The following LIPC variants were observed in gnomAD, a reference collection of about 807,000 sequenced individuals.
LIPC encodes hepatic triacylglycerol lipase.
In LIPC, 44 loss-of-function variants were observed where a neutral mutation model predicts 50.7. The ratio of observed to expected loss-of-function variants is 0.87; its 90% CI spans 0.68 to 1.11. The LOEUF (loss-of-function observed/expected upper bound fraction) is 1.11. LIPC is among the 50% of genes most tolerant of loss of function. The pLI is 0.00. For missense variants in LIPC, 697 were observed against 648.2 expected (o/e 1.08, Z -0.82); for synonymous variants, 271 against 256.4 (o/e 1.06, Z -0.54).
Position 58,441,310 on chromosome 15 carries a change from C to T in LIPC, c.88+9190C>T, listed in dbSNP as rs548384816. ...ATGAAACTGAAGCAGGAGCACATAA[C>T]AGGAGCTTAATATGAATCTTCCATC... On this transcript the variant is annotated intron_variant, in intron 1 of 8. Transcript: ENST00000299022. Among the ~76,000 whole-genome samples the T allele has an allele frequency of 8.5e-5, 13 of 152,302 alleles. No homozygotes were observed. In the South Asian group the frequency reaches 2.5e-3, roughly 29 times the overall value.
intron 1 of LIPC, chr15:58,436,798 T>C (rs1482128246): frequency 2.2e-6 from 1 of 456,250 alleles, no homozygotes; most frequent in Admixed American, 2.3e-5. Context: ...AGTAGGGTGT[T>C]GAAGGATGGT....
intron 1 of LIPC, among the ~76,000 whole-genome samples, chr15:58,505,785 C>T (rs559263334): frequency 6.6e-5 from 10 of 152,274 alleles, no homozygotes; most frequent in East Asian, 1.9e-4. Flanking sequence ...AGTTCCCACC[C>T]GAGCCAACAT....
rs142741286 is a variant in LIPC at position 58,548,502 on chromosome 15, C to T, written c.981C>T (p.His327=). ...GCCGCTGCAACACGCTGGGCTACCACGTCCGCCAGGAGCCGCGGAGCAAGA... is the reference window on the plus strand; with the variant it reads ...GCCGCTGCAACACGCTGGGCTACCATGTCCGCCAGGAGCCGCGGAGCAAGA... ...KKGRCNTLGY[H]VRQEPRSKSK... Residue 327 remains histidine, a synonymous_variant, in exon 6 of 9, where the codon CAC becomes CAT. Transcript: ENST00000299022. 1.6e-3 allele frequency: 2,614 copies of T among 1,607,212 alleles called. 5 individuals are homozygous for T. The highest frequency in any genetic ancestry group is 1.6e-3 in the Non-Finnish European group (1,902 of 1,176,580).
chr15:58,524,146 A>G (rs1376223972), intron 1 of LIPC, among the ~76,000 whole-genome samples: 1 of 152,160 alleles, frequency 6.6e-6, no homozygotes, highest in African/African-American at 2.4e-5. Context: ...CGCAGCTGAA[A>G]GCCAACATGG....
chr15:58,527,296 G>A (rs1399885655), intron 1 of LIPC, among the ~76,000 whole-genome samples: 2 of 152,092 alleles, frequency 1.3e-5, no homozygotes, highest in Non-Finnish European at 2.9e-5. Flanking sequence ...GATAGGAACC[G>A]CTGTGCTGCA....
At chr15:58,529,241 C>G (rs555617486) in intron 1 of LIPC, among the ~76,000 whole-genome samples, 22 of 152,370 alleles carry the variant, frequency 1.4e-4, no homozygotes, top group African/African-American at 5.0e-4. Context: ...GCCAAGATCT[C>G]TCATGGCAAG....
rs138725480 is a variant in LIPC at position 58,438,466 on chromosome 15, G to A, written c.88+6346G>A. On this transcript the variant is annotated intron_variant, in intron 1 of 8. Coordinates refer to ENST00000299022, the MANE Select transcript of LIPC (RefSeq NM_000236.3). ...TGGGAAATGGGGTCCAACCCACCAG[G>A]GAAAAGGGCTGACTAGGGGCCAATA... Among the ~76,000 whole-genome samples, 859 of 152,314 alleles carry A rather than the reference G, an allele frequency of 5.6e-3. 6 individuals carry two copies. The highest frequency in any genetic ancestry group is 9.8e-3 in the Non-Finnish European group (668 of 68,028).
At chr15:58,440,110 C>T (rs1304984843) in intron 1 of LIPC, among the ~76,000 whole-genome samples, 1 of 152,100 alleles carries the variant, frequency 6.6e-6, no homozygotes, top group African/African-American at 2.4e-5. Context: ...TGTATTTGTC[C>T]AAAATAAAAT....
chr15:58,446,198 G>A (rs778882566), intron 1 of LIPC, among the ~76,000 whole-genome samples: 8 of 152,024 alleles, frequency 5.3e-5, no homozygotes, highest in Admixed American at 3.3e-4. Flanking sequence ...ATATTTATAC[G>A]CTAGTATTTC....
At chr15:58,540,853 G>A (rs1349543186) in intron 2 of LIPC, among the ~76,000 whole-genome samples, 4 of 152,100 alleles carry the variant, frequency 2.6e-5, no homozygotes, top group African/African-American at 9.7e-5. Flanking sequence ...GCCCAGGCTG[G>A]AGGGCAGTGT....
chr15:58,497,654 T>C (rs1156327636), intron 1 of LIPC: 1 of 152,490 alleles, frequency 6.6e-6, no homozygotes, highest in Non-Finnish European at 1.5e-5. Flanking sequence ...CCTCCCATGA[T>C]ATGCCTTTCC....
chr15:58,474,157 G>A (rs1890902134), intron 1 of LIPC, among the ~76,000 whole-genome samples: 2 of 152,162 alleles, frequency 1.3e-5, no homozygotes, highest in South Asian at 4.1e-4. Context: ...TTTGGTGGGG[G>A]AAGAGGGGAC....
intron 1 of LIPC, among the ~76,000 whole-genome samples, chr15:58,499,621 G>A (rs532489570): frequency 2.0e-5 from 3 of 152,186 alleles, no homozygotes; most frequent in East Asian, 1.9e-4. Flanking sequence ...CAACTCTTCC[G>A]CTCCGGTTTC....
chr15:58,537,061 G>T (rs1566942695), intron 1 of LIPC, among the ~76,000 whole-genome samples: 1 of 152,250 alleles, frequency 6.6e-6, no homozygotes, highest in Non-Finnish European at 1.5e-5. Flanking sequence ...GAGCGGCCTT[G>T]TGTCTGCTCC....
intron 1 of LIPC, among the ~76,000 whole-genome samples, chr15:58,504,453 G>C (rs1892082095): frequency 6.6e-6 from 1 of 152,096 alleles, no homozygotes; most frequent in Admixed American, 6.5e-5. Context: ...TCTGTTTCTG[G>C]ACGTCAACAC....
chr15:58,480,048 G>T (rs1348928713), intron 1 of LIPC, among the ~76,000 whole-genome samples: 1 of 152,180 alleles, frequency 6.6e-6, no homozygotes, highest in Non-Finnish European at 1.5e-5. Flanking sequence ...TCAGTTTCTT[G>T]TATGGTATCT....
Position 58,545,791 on chromosome 15 carries a change from T to A in LIPC, c.624T>A (p.Arg208=). Residue 208 remains arginine (R), a synonymous_variant, in exon 5 of 9, where the codon CGT becomes CGA. Transcript: ENST00000299022. ...TTGAGGGAAGTGCCCCCAGCAATCG[T>A]CTTTCTCCAGATGATGCCAATTTTG... ...PLFEGSAPSN[R]LSPDDANFVD... The A allele has an allele frequency of 6.2e-7, 1 of 1,614,190 alleles. No homozygotes were observed. Among genetic ancestry groups the A allele is most frequent in the Non-Finnish European group, 8.5e-7 (1 of 1,180,034 alleles).
intron 6 of LIPC, among the ~76,000 whole-genome samples, chr15:58,552,830 C>T (rs1004491627): frequency 6.6e-6 from 1 of 152,174 alleles, no homozygotes; most frequent in East Asian, 1.9e-4. Context: ...CTGCCAACCA[C>T]TTATGTGACC....
At chr15:58,471,250 C>T (rs1268894168) in intron 1 of LIPC, among the ~76,000 whole-genome samples, 1 of 148,160 alleles carries the variant, frequency 6.7e-6, no homozygotes, top group Admixed American at 6.8e-5. Context: ...GATTCTCCTA[C>T]CTCAGCCTCC....
Sources: gnomAD v4.1 joint callset for allele counts (sites outside exome capture counted in the v4.1 genomes callset) on GRCh38, gnomAD v4.1.1 for gene constraint, MANE v1.5 for transcripts, NCBI Gene and HGNC (gene_info 2026-07-23, HGNC 2026-07-21) for gene names.